Variants in GABRP observed in about 807,000 individuals in gnomAD.
GABRP encodes gamma-aminobutyric acid receptor subunit pi.
A neutral mutation model predicts 47.8 loss-of-function variants in GABRP; 52 were observed. The ratio of observed to expected loss-of-function variants is 1.09; its 90% confidence interval spans 0.87 to 1.37. GABRP has a LOEUF of 1.37. Ranked by LOEUF, GABRP falls within the 40% of genes most tolerant of loss-of-function variation. GABRP has a pLI of 0.00. For synonymous variants in GABRP, 221 were observed against 205.8 expected (o/e 1.07, Z -0.63); for missense variants, 525 against 542.8 (o/e 0.97, Z 0.33).
intron 8 of GABRP, among the ~76,000 whole-genome samples, 193 bp from the exon 9 acceptor site, chr5:170,809,375 C>A (rs957459471): frequency 1.4e-4 from 21 of 152,240 alleles, no homozygotes; most frequent in African/African-American, 5.1e-4. Context: ...TAAAAAAAAA[C>A]ACATCCCTCA....
At chr5:170,811,793 C>T (rs1035966589) in intron 9 of GABRP, among the ~76,000 whole-genome samples, 163 bp from the exon 10 acceptor site, 1 of 152,218 alleles carries the variant, frequency 6.6e-6, no homozygotes, top group Admixed American at 6.5e-5. Flanking sequence ...GCAACAGGAG[C>T]CCAAGCCTGG....
intron 5 of GABRP, among the ~76,000 whole-genome samples, chr5:170,795,671 C>G (rs897509876): frequency 4.6e-5 from 7 of 152,168 alleles, no homozygotes; most frequent in Admixed American, 3.3e-4. Flanking sequence ...CCTCAAGACA[C>G]GGACATGGAA....
Position 170,788,572 on chromosome 5 carries a change from A to C in GABRP, c.-42-2A>C. 1 of 1,607,768 alleles carries C rather than the reference A, an allele frequency of 6.2e-7. No homozygotes were observed. ...CCACTTACCTTGCCCCCTGTTTCCC[A>C]GGTGATTCCTACTTCAGCCCCTTGG... On this transcript the variant is annotated splice_acceptor_variant, in intron 1 of 9. Coordinates refer to ENST00000265294, the MANE Select transcript of GABRP (RefSeq NM_014211.3). LOFTEE classifies it low-confidence loss of function (5UTR_SPLICE).
At chr5:170,801,855 TG>T (rs11286876) in intron 6 of GABRP, among the ~76,000 whole-genome samples, 53,910 of 142,104 alleles carry the variant, frequency 0.38, 11,053 homozygotes, top group African/African-American at 0.57. Context: ...TGAAAAGTAA[TG>T]GGGGGGGGGT....
chr5:170,795,033 T>C (rs1034347699), intron 4 of GABRP, among the ~76,000 whole-genome samples, 175 bp from the exon 5 acceptor site: 1 of 145,882 alleles, frequency 6.9e-6, no homozygotes, highest in African/African-American at 2.5e-5. Flanking sequence ...GTTACCCCAG[T>C]CTTGGGGTAG....
chr5:170,789,768 T>C (rs984567925), intron 3 of GABRP, among the ~76,000 whole-genome samples: 1 of 152,160 alleles, frequency 6.6e-6, no homozygotes, highest in African/African-American at 2.4e-5. Context: ...TCCCCGCTCC[T>C]TCCCCTCCTA....
chr5:170,804,481 A>G (rs369716240), intron 6 of GABRP, among the ~76,000 whole-genome samples: 11 of 152,288 alleles, frequency 7.2e-5, no homozygotes, highest in East Asian at 3.9e-4. Context: ...TCACATTCCC[A>G]CTAGCTAATG....
At chr5:170,804,311 T>A (rs1423339182) in intron 6 of GABRP, among the ~76,000 whole-genome samples, 2 of 152,124 alleles carry the variant, frequency 1.3e-5, no homozygotes, top group Non-Finnish European at 2.9e-5. Context: ...TTATGAGTAG[T>A]GCTGCTATGA....
rs1165759379 is a variant in GABRP at position 170,813,415 on chromosome 5, T to C, written c.*1157T>C. On this transcript the variant is annotated 3_prime_UTR_variant, in exon 10 of 10. Transcript: ENST00000265294. ...AGATCCCTGATCCTTCCAGCTGGTC[T>C]GCTATGAGTGGCTTATCCCGCATGA... The C allele has an allele frequency of 6.6e-6, 1 of 152,282 alleles. No homozygotes were observed. The highest frequency in any genetic ancestry group is 1.5e-5 in the Non-Finnish European group (1 of 68,072). 9.4% of individuals were successfully genotyped at this position (152,282 alleles called of 1,614,324 possible). A position where few individuals can be genotyped will look rare whatever the true frequency, so the allele number is the denominator to read the frequency against.
intron 3 of GABRP, among the ~76,000 whole-genome samples, chr5:170,791,222 T>A (rs1380821677): frequency 6.6e-6 from 1 of 152,222 alleles, no homozygotes; most frequent in Non-Finnish European, 1.5e-5. Flanking sequence ...ATGTGATGCC[T>A]CATCCCACCT....
In GABRP at chr5:170,788,491, A is replaced by G. The variant is rs575197871; in HGVS notation, c.-42-83A>G. The G allele has an allele frequency of 4.5e-6, 4 of 896,728 alleles. No individual in the cohort carries two copies. In the African/African-American group the frequency reaches 5.0e-5, roughly 11 times the overall value. The allele number at this position is 896,728 out of a possible 1,614,324, so 55.5% of individuals were successfully genotyped here. A position where few individuals can be genotyped will look rare whatever the true frequency, so the allele number is the denominator to read the frequency against. ...TGCATGCTGAGAAAATGCTGTACCG[A>G]CCACCCACCAGAGAGAGAGGCTGGC... is the stretch of plus-strand genomic sequence containing the variant. On this transcript the variant is annotated intron_variant, in intron 1 of 9. Transcript: ENST00000265294.
At chr5:170,797,651 T>C in intron 6 of GABRP, 103 bp downstream of exon 6, 1 of 726,122 alleles carries the variant, frequency 1.4e-6, no homozygotes. Flanking sequence ...CTTTTCTTAA[T>C]GTTGATTCAT....
chr5:170,812,147 T>G lies in GABRP; in HGVS notation c.1212T>G (p.Asp404Glu). ...VFREKMGRIV[D>E]YFTIQNPSNV... ...GAGAAAAGATGGGCAGGATTGTTGATTATTTCACAATTCAAAACCCCAGTA... is the reference window on the plus strand; with the variant it reads ...GAGAAAAGATGGGCAGGATTGTTGAGTATTTCACAATTCAAAACCCCAGTA... The change falls in exon 10 of 10, where the codon GAT becomes GAG. Residue 404 changes from aspartate to glutamate, a missense_variant. By Grantham distance (45) the Asp-to-Glu change is conservative. Coordinates refer to ENST00000265294, the MANE Select transcript of GABRP (RefSeq NM_014211.3). 1.9e-6 allele frequency: 3 copies of G among 1,614,160 alleles called. No homozygotes were observed. The highest frequency in any genetic ancestry group is 1.7e-6 in the Non-Finnish European group (2 of 1,179,998).
intron 6 of GABRP, among the ~76,000 whole-genome samples, chr5:170,801,259 A>T (rs531357926): frequency 8.5e-5 from 13 of 152,316 alleles, no homozygotes. Flanking sequence ...AGTTTGTTCC[A>T]GTGGCTTGTT....
intron 5 of GABRP, among the ~76,000 whole-genome samples, chr5:170,795,770 G>A (rs1765410713): frequency 6.6e-6 from 1 of 152,182 alleles, no homozygotes; most frequent in East Asian, 1.9e-4. Flanking sequence ...ACAGGATTCT[G>A]AGCTATGTCT....
At chr5:170,794,855 G>A (rs1235723314) in intron 4 of GABRP, among the ~76,000 whole-genome samples, 1 of 151,776 alleles carries the variant, frequency 6.6e-6, no homozygotes, top group East Asian at 2.0e-4. Context: ...ATTTGGTGGG[G>A]CCTTAGTGAT....
intron 1 of GABRP, 79 bp from the exon 2 acceptor site, chr5:170,788,495 C>T: frequency 1.1e-6 from 1 of 932,186 alleles, no homozygotes; most frequent in Non-Finnish European, 1.8e-6. Flanking sequence ...GTACCGACCA[C>T]CCACCAGAGA....
At chr5:170,790,550 ATG>A (rs1477162320) in intron 3 of GABRP, among the ~76,000 whole-genome samples, 1 of 152,090 alleles carries the variant, frequency 6.6e-6, no homozygotes, top group African/African-American at 2.4e-5. Context: ...TAGGGGGACT[ATG>A]TCTAGAAGGG....
chr5:170,785,982 A>C (rs1464095131), intron 1 of GABRP, among the ~76,000 whole-genome samples: 2 of 152,162 alleles, frequency 1.3e-5, no homozygotes, highest in Non-Finnish European at 2.9e-5. Context: ...CCCTTTTGAC[A>C]TTGCCCCATC....
Sources: allele counts gnomAD v4.1 joint callset (sites outside exome capture counted in the v4.1 genomes callset), GRCh38; gene constraint gnomAD v4.1.1; transcripts MANE v1.5; gene names NCBI Gene and HGNC (gene_info 2026-07-23, HGNC 2026-07-21).